The following ARHGEF2 variants were observed in gnomAD, a reference collection of about 807,000 sequenced individuals.
ARHGEF2 encodes Rho/Rac guanine nucleotide exchange factor 2, also known as rho guanine nucleotide exchange factor 2.
In ARHGEF2, 22 loss-of-function variants were observed where a neutral mutation model predicts 121.0. The ratio of observed to expected loss-of-function variants is 0.18; its 90% CI spans 0.13 to 0.26. The LOEUF is 0.26. Ranked by LOEUF, ARHGEF2 falls within the 10% of genes least tolerant of loss-of-function variation. The pLI is 1.00. For synonymous variants in ARHGEF2, 487 were observed against 530.0 expected, an observed-to-expected ratio of 0.92 and a Z score of 1.11; for missense variants, 907 against 1,336.0, an observed-to-expected ratio of 0.68 and a Z score of 5.01.
intron 1 of ARHGEF2, chr1:155,970,831 T>G (rs1680318135): frequency 1.0e-6 from 1 of 986,270 alleles, no homozygotes; most frequent in Admixed American, 6.1e-5. Context: ...TTCTCTTTCC[T>G]GCCTCTCTTC....
intron 14 of ARHGEF2, among the ~76,000 whole-genome samples, chr1:155,953,265 C>CAAAA (rs71827896): frequency 3.7e-5 from 5 of 133,838 alleles, no homozygotes; most frequent in African/African-American, 1.4e-4. Flanking sequence ...GACTCTGTCT[C>CAAAA]AAAAAAAAAA....
chr1:155,974,409 C>T (rs1474539305), intron 1 of ARHGEF2, among the ~76,000 whole-genome samples: 1 of 152,106 alleles, frequency 6.6e-6, no homozygotes, highest in Non-Finnish European at 1.5e-5. Flanking sequence ...ACAGCAGAGG[C>T]GCCGTTGGCT....
Position 155,952,684 on chromosome 1 carries a change from G to A in ARHGEF2, c.1928C>T (p.Ser643Phe). 1 of 1,614,214 alleles carries A rather than the reference G, an allele frequency of 6.2e-7. No individual in the cohort carries two copies. Among genetic ancestry groups the A allele is most frequent in the Non-Finnish European group, 8.5e-7 (1 of 1,180,046 alleles). The change falls in exon 15 of 22, where the codon TCT becomes TTT. Residue 643 changes from serine (S) to phenylalanine (F), a missense_variant. Ser to Phe is a radical substitution (Grantham distance 155). Around this residue, in one of 2 missense-constraint regions of ARHGEF2, gnomAD observed 432 missense variants for 559.5 expected, o/e 0.77. Transcript: ENST00000361247. The stretch of plus-strand genomic sequence containing the variant: ...GCCACGAGGGGACTCAAGGGACTCA[G>A]AGCGGAAAAGGCCCCTGGGCAGGGT... ...LPTLPRGLFR[S>F]ESLESPRGER...
Position 155,947,455 on chromosome 1 carries a change from C to G in ARHGEF2, c.*487G>C, listed in dbSNP as rs2102621045. On this transcript the variant is annotated 3_prime_UTR_variant, in exon 22 of 22. Transcript: ENST00000361247. Reference sequence around the variant, plus strand: ...GAAAGGGACATGGCCCTGCCCACAGCCCTCCTTTATTTAAAGGGCAGTAGG... The same window carrying G: ...GAAAGGGACATGGCCCTGCCCACAGGCCTCCTTTATTTAAAGGGCAGTAGG... The G allele has an allele frequency of 2.2e-6, 1 of 456,322 alleles. No homozygotes were observed. The highest frequency in any genetic ancestry group is 6.9e-5 in the East Asian group (1 of 14,520). The allele number at this position is 456,322 out of a possible 1,614,324, so 28.3% of individuals were successfully genotyped here. A position where few individuals can be genotyped will look rare whatever the true frequency, so the allele number is the denominator to read the frequency against.
chr1:155,958,869 G>A (rs1043732582), intron 11 of ARHGEF2, among the ~76,000 whole-genome samples: 1 of 138,634 alleles, frequency 7.2e-6, no homozygotes, highest in Non-Finnish European at 1.5e-5. Context: ...ATGAGCCACC[G>A]CGCCTGGTCA....
chr1:155,952,309 G>T, intron 15 of ARHGEF2, 74 bp from the exon 16 acceptor site: 1 of 1,589,686 alleles, frequency 6.3e-7, no homozygotes, highest in Non-Finnish European at 8.6e-7. Flanking sequence ...ACCCCCACAT[G>T]TGGGACACTT....
intron 1 of ARHGEF2, chr1:155,970,132 G>T: frequency 1.0e-6 from 1 of 985,402 alleles, no homozygotes; most frequent in Non-Finnish European, 1.2e-6. Context: ...ACCTAGGAGA[G>T]TTTCCTCTAT....
At chr1:155,970,635 A>T (rs1182299980) in intron 1 of ARHGEF2, 2 of 985,436 alleles carry the variant, frequency 2.0e-6, no homozygotes, top group Non-Finnish European at 2.4e-6. Context: ...GGACTCTAGG[A>T]GACCAGTACT....
chr1:155,970,941 T>C (rs541736784), intron 1 of ARHGEF2: 207 of 986,522 alleles, frequency 2.1e-4, no homozygotes, highest in Middle Eastern at 1.0e-3. Flanking sequence ...CATCCATTTT[T>C]CGCATCCTCC....
upstream of ARHGEF2, chr1:155,978,935 G>A: frequency 1.0e-6 from 1 of 985,754 alleles, no homozygotes; most frequent in Non-Finnish European, 1.2e-6. This position sits in a 1 kb window ranked among gnomAD's most constrained non-coding sequence, Gnocchi z 4.1. Context: ...AGACCCGCAG[G>A]CAGGAGAATT....
chr1:155,965,509 T>C lies in ARHGEF2; in HGVS notation c.471-97A>G, dbSNP rs1572152697. The C allele has an allele frequency of 6.2e-7, 1 of 1,602,306 alleles. No individual in the cohort carries two copies. Among genetic ancestry groups the C allele is most frequent in the Non-Finnish European group, 8.5e-7 (1 of 1,170,568 alleles). On this transcript the variant is annotated intron_variant, in intron 5 of 21. Coordinates refer to ENST00000361247, the MANE Select transcript of ARHGEF2 (RefSeq NM_001162383.2). This position sits in a 1 kb window ranked among gnomAD's most constrained non-coding sequence, Gnocchi z 6.0. ...GCCAGGATCCAAGAGGCGGTCCCCC[T>C]AAGTTCTCCTTATTTGTCTGTCTAC...
intron 1 of ARHGEF2, among the ~76,000 whole-genome samples, chr1:155,975,753 C>A (rs1327217658): frequency 2.0e-5 from 3 of 152,124 alleles, no homozygotes; most frequent in Non-Finnish European, 2.9e-5. Context: ...TCCAAGGGGA[C>A]CCCCAGCCTC....
intron 1 of ARHGEF2, among the ~76,000 whole-genome samples, chr1:155,977,242 A>C (rs928654394): frequency 6.6e-6 from 1 of 152,102 alleles, no homozygotes. Context: ...GGGGCCCCAA[A>C]GGAGCTGGGA....
chr1:155,964,180 A>ATATATATATG (rs1553245010), intron 7 of ARHGEF2, among the ~76,000 whole-genome samples: 10 of 101,558 alleles, frequency 9.8e-5, no homozygotes, highest in Admixed American at 2.6e-4. Context: ...ATATATATAT[A>ATATATATATG]TATATATATA....
At position 155,951,187 on chromosome 1, in the gene ARHGEF2, G is replaced by A. The variant is rs575038617; in HGVS notation, c.2345C>T (p.Ser782Phe). ...AGCCCTGCCAGCCTCCCCATCCCGAGAGTTGGCTCGGCACAGCTTCTCCCG... is the reference window on the plus strand; with the variant it reads ...AGCCCTGCCAGCCTCCCCATCCCGAAAGTTGGCTCGGCACAGCTTCTCCCG... Reference protein sequence around the residue: ...ERREKLCRANSRDGEAGRAGA... With the variant: ...ERREKLCRANFRDGEAGRAGA... The change falls in exon 20 of 22, where the codon TCT becomes TTT. Residue 782 changes from serine (S) to phenylalanine (F), a missense_variant. Transcript: ENST00000361247. The surrounding 1 kb of genome is among the most constrained non-coding windows in gnomAD (Gnocchi z 5.1). The A allele has an allele frequency of 6.2e-7, 1 of 1,608,420 alleles. No individual in the cohort carries two copies. Among genetic ancestry groups the A allele is most frequent in the Non-Finnish European group, 8.5e-7 (1 of 1,178,654 alleles).
intron 7 of ARHGEF2, 83 bp downstream of exon 7, chr1:155,964,905 A>C (rs1398525284): frequency 6.8e-7 from 1 of 1,480,452 alleles, no homozygotes; most frequent in Non-Finnish European, 9.0e-7. Context: ...AAAAAAAAAA[A>C]AAAAGAAAAA....
chr1:155,953,853 G>A (rs1676042306), intron 14 of ARHGEF2, among the ~76,000 whole-genome samples: 1 of 152,028 alleles, frequency 6.6e-6, no homozygotes, highest in African/African-American at 2.4e-5. Flanking sequence ...GTGGGAGCTG[G>A]AGTAGCCACT....
At chr1:155,960,234 G>A (rs1558017704) in intron 11 of ARHGEF2, among the ~76,000 whole-genome samples, 2 of 152,146 alleles carry the variant, frequency 1.3e-5, no homozygotes, top group Admixed American at 1.3e-4. Context: ...GGAGGCTGAG[G>A]CAGGAGAATC....
At position 155,963,134 on chromosome 1, in the gene ARHGEF2, G is replaced by A; in HGVS notation, c.774C>T (p.Thr258=). 1 of 1,613,558 alleles carries A rather than the reference G, an allele frequency of 6.2e-7. No homozygotes were observed. The highest frequency in any genetic ancestry group is 8.5e-7 in the Non-Finnish European group (1 of 1,179,964). ...LHHVRTLKIM[T]RLFRTGMLEE... ...CCAGCATCCCCGTGCGGAAGAGGCG[G>A]GTCATGATCTTCAGTGTCCTCACAT... The change falls in exon 8 of 22, where the codon ACC becomes ACT. Residue 258 remains threonine, a synonymous_variant. Coordinates refer to ENST00000361247, the MANE Select transcript of ARHGEF2 (RefSeq NM_001162383.2).
Sources: gnomAD v4.1 joint callset for allele counts (sites outside exome capture counted in the v4.1 genomes callset) on GRCh38, gnomAD v4.1.1 for gene constraint, gnomAD v4.1.1 regional missense constraint, Gnocchi (gnomAD v3.1) non-coding constraint, MANE v1.5 for transcripts, NCBI Gene and HGNC (gene_info 2026-07-23, HGNC 2026-07-21) for gene names.